The following PIK3R3 variants were observed in gnomAD, a reference collection of about 807,000 sequenced individuals.
The protein encoded by PIK3R3 is phosphatidylinositol 3-kinase regulatory subunit gamma.
A neutral mutation model predicts 62.9 loss-of-function variants in PIK3R3; 64 were observed. The observed-to-expected ratio is 1.02, with a 90% CI of 0.83 to 1.25. The LOEUF is 1.25. Ranked by LOEUF, PIK3R3 falls within the 50% of genes most tolerant of loss-of-function variation. The pLI is 0.00. For synonymous variants in PIK3R3, 165 were observed against 189.0 expected (o/e 0.87, Z 1.04); for missense variants, 614 against 561.6 (o/e 1.09, Z -0.94).
chr1:46,084,663 C>G (rs1450294575), intron 1 of PIK3R3, among the ~76,000 whole-genome samples: 1 of 152,162 alleles, frequency 6.6e-6, no homozygotes, highest in Non-Finnish European at 1.5e-5. Context: ...AAGCACTGCA[C>G]TATAGCTATG....
chr1:46,071,265 AT>A (rs1354098447), intron 3 of PIK3R3, among the ~76,000 whole-genome samples: 4 of 151,900 alleles, frequency 2.6e-5, no homozygotes, highest in South Asian at 2.1e-4. Context: ...AATTTTATAT[AT>A]TTTTTTCCAT....
chr1:46,164,561 G>A, the PIK3R3 span, among the ~76,000 whole-genome samples: 77 of 152,208 alleles, frequency 5.1e-4, 1 homozygote, highest in Middle Eastern at 0.034. Flanking sequence ...CCCGGGAGGC[G>A]GAGATTGCAG....
chr1:46,063,204 T>C (rs1052578381), intron 5 of PIK3R3, among the ~76,000 whole-genome samples: 1 of 152,116 alleles, frequency 6.6e-6, no homozygotes, highest in Non-Finnish European at 1.5e-5. Context: ...CTTAAAGAAC[T>C]GAGATAGAGG....
intron 1 of PIK3R3, among the ~76,000 whole-genome samples, chr1:46,098,158 G>C (rs1265660602): frequency 6.6e-6 from 1 of 152,106 alleles, no homozygotes; most frequent in Non-Finnish European, 1.5e-5. Flanking sequence ...ACATGAAAAA[G>C]ATACTCAGCA....
chr1:46,169,232 C>A, the PIK3R3 span, among the ~76,000 whole-genome samples: 2 of 152,150 alleles, frequency 1.3e-5, no homozygotes, highest in Non-Finnish European at 2.9e-5. Context: ...CTGTTACTCC[C>A]TAGCTGGATG....
chr1:46,043,993 G>T, intron 9 of PIK3R3, 122 bp from the exon 10 acceptor site: 1 of 861,490 alleles, frequency 1.2e-6, no homozygotes, highest in Non-Finnish European at 1.8e-6. Flanking sequence ...ACCAGGCAAA[G>T]CTTGTGAAAT....
upstream of PIK3R3, chr1:46,132,986 G>A (rs962375461): frequency 9.2e-6 from 10 of 1,090,842 alleles, no homozygotes; most frequent in African/African-American, 1.5e-4. Flanking sequence ...CGAGGAGGGA[G>A]TGGGGCGAGG....
chr1:46,109,060 GA>G (rs1423302542), intron 1 of PIK3R3, among the ~76,000 whole-genome samples: 2 of 151,762 alleles, frequency 1.3e-5, no homozygotes, highest in Admixed American at 1.3e-4. Flanking sequence ...TGGGGAGGCT[GA>G]GGCAGGAGAA....
chr1:46,133,932 A>G (rs1038833252), upstream of PIK3R3, among the ~76,000 whole-genome samples: 1 of 152,140 alleles, frequency 6.6e-6, no homozygotes, highest in African/African-American at 2.4e-5. Context: ...TTCCTCACAT[A>G]CTCATTCCCA....
Position 46,043,723 on chromosome 1 carries a change from C to G in PIK3R3, c.1336G>C (p.Val446Leu). ...GCATGAACAGGGTAGGCAAGCCTGACGTTGAGGGAGTCGTTGTGCTGAACC... is the reference window on the plus strand; with the variant it reads ...GCATGAACAGGGTAGGCAAGCCTGAGGTTGAGGGAGTCGTTGTGCTGAACC... ...SLVQHNDSLN[V>L]RLAYPVHAQM... is the part of the protein sequence containing the mutation. The change falls in exon 10 of 10, where the codon GTC (valine) becomes CTC (leucine). Residue 446 changes from valine (V) to leucine (L), a missense_variant. Transcript: ENST00000262741. 6.2e-7 allele frequency: 1 copy of G among 1,614,194 alleles called. No individual in the cohort carries two copies. Among genetic ancestry groups the G allele is most frequent in the East Asian group, 2.2e-5 (1 of 44,890 alleles).
chr1:46,078,983 G>A (rs886789922), intron 2 of PIK3R3, among the ~76,000 whole-genome samples: 1 of 152,092 alleles, frequency 6.6e-6, no homozygotes, highest in African/African-American at 2.4e-5. Context: ...GAGAATGGGG[G>A]GTTATTGTTT....
In PIK3R3 at chr1:46,043,018, TGGCTTC is replaced by T. The variant is rs1647023261; in HGVS notation, c.*649_*654del. On this transcript the variant is annotated 3_prime_UTR_variant, in exon 10 of 10. Transcript: ENST00000262741. ...TTGGTCTGGCAACAAACTGTTTTGT[TGGCTTC>T]TGAACATAATACTTCTTCAGAGGGA... is the stretch of plus-strand genomic sequence containing the variant. 1 of 223,264 alleles carries T rather than the reference TGGCTTC, an allele frequency of 4.5e-6. No homozygotes were observed. The highest frequency in any genetic ancestry group is 9.0e-6 in the Non-Finnish European group (1 of 111,552). The allele number at this position is 223,264 out of a possible 1,614,324, so 13.8% of individuals were successfully genotyped here. A position where few individuals can be genotyped will look rare whatever the true frequency, so the allele number is the denominator to read the frequency against.
At chr1:46,153,046 C>G in the PIK3R3 span, among the ~76,000 whole-genome samples, 1 of 152,152 alleles carries the variant, frequency 6.6e-6, no homozygotes, top group Non-Finnish European at 1.5e-5. Context: ...AAGTCTATAT[C>G]TACCTCCACG....
At chr1:46,127,326 A>G (rs1232416467) in intron 1 of PIK3R3, among the ~76,000 whole-genome samples, 1 of 139,038 alleles carries the variant, frequency 7.2e-6, no homozygotes, top group Non-Finnish European at 1.6e-5. Flanking sequence ...TGAGCAACAA[A>G]GGTGAGACCC....
chr1:46,131,116 TTTTC>T (rs1426021251), intron 1 of PIK3R3, among the ~76,000 whole-genome samples: 3 of 152,214 alleles, frequency 2.0e-5, no homozygotes, highest in Non-Finnish European at 4.4e-5. Context: ...TGTTTTTGCT[TTTTC>T]TTTATTCTAG....
At chr1:46,114,562 C>G (rs1223751966) in intron 1 of PIK3R3, among the ~76,000 whole-genome samples, 1 of 152,022 alleles carries the variant, frequency 6.6e-6, no homozygotes, top group East Asian at 1.9e-4. Context: ...CCTACGGAAC[C>G]TACTCAACTA....
intron 1 of PIK3R3, among the ~76,000 whole-genome samples, chr1:46,102,177 G>C (rs1557611331): frequency 6.6e-6 from 1 of 151,724 alleles, no homozygotes; most frequent in East Asian, 1.9e-4. Context: ...AGTAGAGACG[G>C]GGTTTCACCG....
At chr1:46,120,703 T>C (rs1327855972) in intron 1 of PIK3R3, among the ~76,000 whole-genome samples, 1 of 152,220 alleles carries the variant, frequency 6.6e-6, no homozygotes, top group Non-Finnish European at 1.5e-5. Context: ...TCCAAATTAC[T>C]TTCCTAGCAT....
chr1:46,118,996 C>T (rs1159167362), intron 1 of PIK3R3, among the ~76,000 whole-genome samples: 1 of 152,128 alleles, frequency 6.6e-6, no homozygotes, highest in African/African-American at 2.4e-5. Context: ...CATCCTCACA[C>T]CTGTTATATT....
Sources: gnomAD v4.1 joint callset for allele counts (sites outside exome capture counted in the v4.1 genomes callset) on GRCh38, gnomAD v4.1.1 for gene constraint, MANE v1.5 for transcripts, NCBI Gene and HGNC (gene_info 2026-07-23, HGNC 2026-07-21) for gene names.